The following SVOPL variants were observed in gnomAD, a reference collection of about 807,000 sequenced individuals.
SVOPL encodes the protein putative transporter SVOPL.
In SVOPL, 60 loss-of-function variants were observed where a neutral mutation model predicts 61.0. The ratio of observed to expected loss-of-function variants is 0.98; its 90% CI spans 0.80 to 1.22. SVOPL has a LOEUF of 1.22. SVOPL is among the 50% of genes most tolerant of loss of function. The pLI, the probability that SVOPL is intolerant of heterozygous loss-of-function variation, is 0.00. For synonymous variants in SVOPL, 279 were observed against 250.0 expected (o/e 1.12, Z -1.09); for missense variants, 662 against 643.9 (o/e 1.03, Z -0.30).
At chr7:138,625,097 C>A (rs6944449) in intron 13 of SVOPL, 7,076 of 152,320 alleles carry the variant, frequency 0.046, 411 homozygotes, top group East Asian at 0.17. Context: ...TTATACTGAA[C>A]AATGAGTTCT....
chr7:138,693,013 T>A (rs1004991834), intron 1 of SVOPL, among the ~76,000 whole-genome samples: 1 of 152,142 alleles, frequency 6.6e-6, no homozygotes, highest in Non-Finnish European at 1.5e-5. Flanking sequence ...GTACCATGTA[T>A]AATTACAAAA....
At chr7:138,627,618 T>C (rs765722618) in intron 11 of SVOPL, among the ~76,000 whole-genome samples, 157 bp from the exon 12 acceptor site, 1 of 152,180 alleles carries the variant, frequency 6.6e-6, no homozygotes, top group East Asian at 1.9e-4. Context: ...TGTCATCAAT[T>C]TCAAGACTTT....
At chr7:138,635,115 A>T (rs1019354410) in intron 9 of SVOPL, among the ~76,000 whole-genome samples, 2 of 151,828 alleles carry the variant, frequency 1.3e-5, no homozygotes, top group Non-Finnish European at 1.5e-5. Flanking sequence ...TCTACTAAAA[A>T]CACAAAATTA....
intron 14 of SVOPL, among the ~76,000 whole-genome samples, chr7:138,608,584 T>TGG (rs1259467650): frequency 6.6e-6 from 1 of 152,190 alleles, no homozygotes; most frequent in African/African-American, 2.4e-5. Flanking sequence ...CAGGGATGTC[T>TGG]GGGTCAGAAT....
At chr7:138,609,743 T>C (rs1047711293) in intron 14 of SVOPL, among the ~76,000 whole-genome samples, 1 of 37,200 alleles carries the variant, frequency 2.7e-5, no homozygotes, top group East Asian at 8.8e-4. Context: ...GCGTTGGGGG[T>C]GGGGAGAGGG....
At chr7:138,662,358 C>T (rs976499887) in intron 5 of SVOPL, 24 of 985,298 alleles carry the variant, frequency 2.4e-5, no homozygotes, top group Admixed American at 6.2e-5. Context: ...CTGCTAGTTT[C>T]AAACAGATAG....
chr7:138,597,710 T>A (rs1384832063), intron 14 of SVOPL, among the ~76,000 whole-genome samples: 2 of 150,970 alleles, frequency 1.3e-5, no homozygotes, highest in African/African-American at 2.4e-5. Flanking sequence ...AGAAAAGGGA[T>A]AGAAACCAAA....
intron 1 of SVOPL, among the ~76,000 whole-genome samples, chr7:138,681,557 C>G (rs992150236): frequency 6.6e-6 from 1 of 152,056 alleles, no homozygotes; most frequent in Non-Finnish European, 1.5e-5. Flanking sequence ...GGCGTGGTAG[C>G]TCACACCTGT....
chr7:138,607,156 C>T (rs569850613), intron 14 of SVOPL, among the ~76,000 whole-genome samples: 178 of 151,950 alleles, frequency 1.2e-3, no homozygotes, highest in African/African-American at 4.2e-3. Flanking sequence ...TTCAAACATG[C>T]TAGATTTAAG....
intron 14 of SVOPL, 27 bp from the exon 15 acceptor site, chr7:138,596,557 T>C (rs1380090912): frequency 6.2e-7 from 1 of 1,610,254 alleles, no homozygotes; most frequent in Non-Finnish European, 8.5e-7. Context: ...AATTACTCAA[T>C]TTATTATGCT....
At chr7:138,678,622 C>A in intron 2 of SVOPL, 97 bp from the exon 3 acceptor site, 1 of 1,211,506 alleles carries the variant, frequency 8.3e-7, no homozygotes, top group Non-Finnish European at 1.2e-6. Context: ...ATTATAAAAA[C>A]AAGTTAATAC....
intron 4 of SVOPL, among the ~76,000 whole-genome samples, chr7:138,665,916 G>C (rs749367527): frequency 6.6e-6 from 1 of 152,178 alleles, no homozygotes; most frequent in East Asian, 1.9e-4. Context: ...ACTGTAATAA[G>C]GACTCTGAAA....
At chr7:138,664,403 C>A (rs1802158261) in intron 4 of SVOPL, among the ~76,000 whole-genome samples, 1 of 150,622 alleles carries the variant, frequency 6.6e-6, no homozygotes. Flanking sequence ...CGCCTCTGAC[C>A]CATTGGGCGC....
chr7:138,680,133 C>T (rs149982516), intron 1 of SVOPL, among the ~76,000 whole-genome samples: 103 of 151,306 alleles, frequency 6.8e-4, no homozygotes, highest in African/African-American at 2.4e-3. Flanking sequence ...TCTGCAGATA[C>T]TGTATTTCCA....
chr7:138,623,529 G>C (rs1233869003), intron 13 of SVOPL, among the ~76,000 whole-genome samples: 1 of 152,084 alleles, frequency 6.6e-6, no homozygotes, highest in Non-Finnish European at 1.5e-5. Context: ...GAACCCGGGA[G>C]GTGGAGCTTG....
At chr7:138,664,252 C>T (rs1802148822) in intron 4 of SVOPL, 2 of 984,870 alleles carry the variant, frequency 2.0e-6, no homozygotes, top group South Asian at 4.7e-5. Flanking sequence ...ACCTAGCGCG[C>T]GCCTAACCCT....
intron 7 of SVOPL, among the ~76,000 whole-genome samples, chr7:138,652,858 T>C (rs1450192807): frequency 6.6e-6 from 1 of 152,110 alleles, no homozygotes; most frequent in Non-Finnish European, 1.5e-5. Flanking sequence ...ACCCCTGACC[T>C]CAGGTGATCC....
At chr7:138,597,021 C>CG in intron 14 of SVOPL, 1 of 1,150,024 alleles carries the variant, frequency 8.7e-7, no homozygotes. Context: ...GTCTTGTCTC[C>CG]GGTTATGGAG....
chr7:138,638,971 G>T (rs1003067332), intron 9 of SVOPL, among the ~76,000 whole-genome samples: 35 of 152,296 alleles, frequency 2.3e-4, no homozygotes, highest in Non-Finnish European at 4.6e-4. Flanking sequence ...ATAAATAACA[G>T]GCCAGGCACA....
Sources: gnomAD v4.1 joint callset for allele counts (sites outside exome capture counted in the v4.1 genomes callset) on GRCh38, gnomAD v4.1.1 for gene constraint, MANE v1.5 for transcripts, NCBI Gene and HGNC (gene_info 2026-07-23, HGNC 2026-07-21) for gene names.